Variants in SLC30A9 observed in about 807,000 individuals in gnomAD.
SLC30A9 encodes the protein solute carrier family 30 member 9.
A neutral mutation model predicts 87.5 loss-of-function variants in SLC30A9; 58 were observed. The ratio of observed to expected loss-of-function variants is 0.66; its 90% CI spans 0.54 to 0.82. The LOEUF is 0.82. Ranked by LOEUF, SLC30A9 falls within the 40% of genes least tolerant of loss-of-function variation. The pLI is 0.00. For synonymous variants in SLC30A9, 234 were observed against 233.0 expected (o/e 1.00, Z -0.04); for missense variants, 557 against 679.1 (o/e 0.82, Z 2.00).
At chr4:42,046,955 A>T (rs552483414) in intron 8 of SLC30A9, among the ~76,000 whole-genome samples, 1 of 152,228 alleles carries the variant, frequency 6.6e-6, no homozygotes, top group Non-Finnish European at 1.5e-5. Context: ...CTGATCTTTG[A>T]CAAACCTGAC....
chr4:42,055,677 G>A (rs1209202832), intron 9 of SLC30A9, among the ~76,000 whole-genome samples: 1 of 152,198 alleles, frequency 6.6e-6, no homozygotes, highest in Non-Finnish European at 1.5e-5. Flanking sequence ...CAACTGAGAT[G>A]AATTTATTGA....
At chr4:42,004,317 A>G (rs928176905) in intron 2 of SLC30A9, among the ~76,000 whole-genome samples, 3 of 152,096 alleles carry the variant, frequency 2.0e-5, no homozygotes, top group African/African-American at 7.2e-5. Flanking sequence ...TATTTATTCT[A>G]CTTGAGATTT....
chr4:42,063,805 A>G (rs1335002664), intron 11 of SLC30A9, among the ~76,000 whole-genome samples: 4 of 152,092 alleles, frequency 2.6e-5, no homozygotes, highest in African/African-American at 9.6e-5. Flanking sequence ...TGCTCTGGCT[A>G]TGGCTGCCCA....
Position 41,990,637 on chromosome 4 carries a change from C to T in SLC30A9, c.-15C>T, listed in dbSNP as rs769596002. 40 of 1,546,400 alleles carry T rather than the reference C, an allele frequency of 2.6e-5. No homozygotes were observed. The highest frequency in any genetic ancestry group is 3.4e-5 in the Non-Finnish European group (38 of 1,123,630). Reference sequence around the variant, plus strand: ...CAGAAGGCGGTGTCCGAGTAGGGGCCTCTGCCCCACCAGGATGTTACCCGG... The same window carrying T: ...CAGAAGGCGGTGTCCGAGTAGGGGCTTCTGCCCCACCAGGATGTTACCCGG... On this transcript the variant is annotated 5_prime_UTR_variant, in exon 1 of 18. Transcript: ENST00000264451.
chr4:42,066,723 A>T, intron 13 of SLC30A9, 102 bp downstream of exon 13: 3 of 689,556 alleles, frequency 4.4e-6, no homozygotes, highest in Non-Finnish European at 7.4e-6. Context: ...TACAAAATAT[A>T]TCTGAATATC....
rs1717824782 is a variant in SLC30A9, at chr4:42,061,011, GTGT to G, written c.896+767_896+769del. Among the ~76,000 whole-genome samples, 7 of 152,192 alleles carry G rather than the reference GTGT, an allele frequency of 4.6e-5. No homozygotes were observed. In the South Asian group the frequency reaches 1.2e-3, roughly 27 times the overall value. ...CTAGTATAGAGAATAGCTCTCTAGTGTGTTAATTACCCATCATTACAGTGTTTT... is the reference window on the plus strand; with the variant it reads ...CTAGTATAGAGAATAGCTCTCTAGTGTAATTACCCATCATTACAGTGTTTT... On this transcript the variant is annotated intron_variant, in intron 10 of 17. Coordinates refer to ENST00000264451, the MANE Select transcript of SLC30A9 (RefSeq NM_006345.4).
chr4:42,079,701 AGGTTCAAG>A, intron 17 of SLC30A9, among the ~76,000 whole-genome samples: 1 of 151,048 alleles, frequency 6.6e-6, no homozygotes, highest in East Asian at 2.0e-4. Context: ...TCCGCCTTCC[AGGTTCAAG>A]GGATTCTCCT....
intron 17 of SLC30A9, among the ~76,000 whole-genome samples, chr4:42,082,722 C>T (rs1318373351): frequency 6.6e-6 from 1 of 151,988 alleles, no homozygotes; most frequent in East Asian, 1.9e-4. Flanking sequence ...GTGGCGGGCC[C>T]TTCTAGTCCC....
At position 42,089,970 on chromosome 4, in the gene SLC30A9, T is replaced by C. The variant is rs1364925353; in HGVS notation, c.*3844T>C. On this transcript the variant is annotated 3_prime_UTR_variant, in exon 18 of 18. Transcript: ENST00000264451. ...TTACCTTATCTCATAATTTAGGTAA[T>C]GATTTTTGCTAAAATGATAACCATC... The C allele has an allele frequency of 2.0e-5, 3 of 152,246 alleles. No homozygotes were observed. The highest frequency in any genetic ancestry group is 7.2e-5 in the African/African-American group (3 of 41,464). The allele number at this position is 152,246 out of a possible 1,614,324, so 9.4% of individuals were successfully genotyped here.
intron 1 of SLC30A9, among the ~76,000 whole-genome samples, chr4:41,994,590 T>A (rs1714609739): frequency 6.6e-6 from 1 of 151,818 alleles, no homozygotes; most frequent in South Asian, 2.1e-4. Context: ...TTTATTGTCA[T>A]AAGAAAAGTA....
intron 17 of SLC30A9, among the ~76,000 whole-genome samples, chr4:42,082,786 T>C (rs1718788813): frequency 6.6e-6 from 1 of 150,646 alleles, no homozygotes; most frequent in South Asian, 2.1e-4. Flanking sequence ...AGGTGGAGGT[T>C]GCAGTGAGCC....
At chr4:42,027,811 C>G (rs757016326) in intron 6 of SLC30A9, among the ~76,000 whole-genome samples, 19 of 152,166 alleles carry the variant, frequency 1.2e-4, no homozygotes, top group Non-Finnish European at 1.9e-4. Context: ...GCTTATTAGT[C>G]AAGCAAAGAA....
At chr4:42,059,442 A>G (rs1717757532) in intron 9 of SLC30A9, among the ~76,000 whole-genome samples, 1 of 152,344 alleles carries the variant, frequency 6.6e-6, no homozygotes, top group East Asian at 1.9e-4. Flanking sequence ...CCTAAGTGGA[A>G]ATGAAAGAAA....
intron 2 of SLC30A9, among the ~76,000 whole-genome samples, chr4:42,008,979 C>A (rs1033705593): frequency 6.6e-6 from 1 of 151,902 alleles, no homozygotes; most frequent in Non-Finnish European, 1.5e-5. Context: ...TCCCTAAGTT[C>A]CAGAAATAAG....
intron 17 of SLC30A9, among the ~76,000 whole-genome samples, chr4:42,082,085 C>T (rs1718758806): frequency 6.6e-6 from 1 of 152,012 alleles, no homozygotes; most frequent in Admixed American, 6.6e-5. Flanking sequence ...GGCGTGGTGG[C>T]AGGCACCTGT....
chr4:42,021,296 T>G (rs1715938654), intron 4 of SLC30A9, among the ~76,000 whole-genome samples: 1 of 152,246 alleles, frequency 6.6e-6, no homozygotes, highest in Non-Finnish European at 1.5e-5. Context: ...TGTTAGTGAT[T>G]GACCCAGCTC....
chr4:42,081,891 A>G (rs536730667), intron 17 of SLC30A9, among the ~76,000 whole-genome samples: 1 of 152,306 alleles, frequency 6.6e-6, no homozygotes, highest in African/African-American at 2.4e-5. Context: ...TATAATCCAT[A>G]CATTCAGGTG....
At chr4:42,002,738 T>C (rs551010064) in intron 2 of SLC30A9, among the ~76,000 whole-genome samples, 1 of 152,286 alleles carries the variant, frequency 6.6e-6, no homozygotes, top group African/African-American at 2.4e-5. Flanking sequence ...AATGAACATA[T>C]GAGTGCATGT....
intron 7 of SLC30A9, among the ~76,000 whole-genome samples, 166 bp downstream of exon 7, chr4:42,035,499 C>CTTTTTTTTTTTTTT (rs374689755): frequency 7.2e-6 from 1 of 139,484 alleles, no homozygotes; most frequent in Non-Finnish European, 1.6e-5. Context: ...TCTGATTTTC[C>CTTTTTTTTTTTTTT]TTTTTTTTTT....
Sources: gnomAD v4.1 joint callset for allele counts (sites outside exome capture counted in the v4.1 genomes callset) on GRCh38, gnomAD v4.1.1 for gene constraint, MANE v1.5 for transcripts, NCBI Gene and HGNC (gene_info 2026-07-23, HGNC 2026-07-21) for gene names.